The following PDE6A variants were observed in gnomAD, a reference collection of about 807,000 sequenced individuals.
PDE6A encodes the protein rod cGMP-specific 3',5'-cyclic phosphodiesterase subunit alpha.
PDE6A carries 84 observed loss-of-function variants against 106.3 expected under a neutral mutation model. The ratio of observed to expected loss-of-function variants is 0.79; its 90% CI spans 0.66 to 0.95. The LOEUF (loss-of-function observed/expected upper bound fraction) is 0.95, where lower values mean the gene tolerates loss of function less well. PDE6A is among the 40% of genes least tolerant of loss of function. The pLI, the probability that PDE6A is intolerant of heterozygous loss-of-function variation, is 0.00. For missense variants in PDE6A, 1,052 were observed against 1,084.9 expected (o/e 0.97, Z 0.43); for synonymous variants, 394 against 386.6 (o/e 1.02, Z -0.23).
intron 1 of PDE6A, among the ~76,000 whole-genome samples, chr5:149,935,684 G>C (rs1471398366): frequency 1.3e-5 from 2 of 152,218 alleles, no homozygotes; most frequent in East Asian, 3.8e-4. Flanking sequence ...TGAAAAGACA[G>C]AGCTTGAATT....
chr5:149,886,124 A>C, intron 14 of PDE6A, 141 bp downstream of exon 14: 2 of 705,028 alleles, frequency 2.8e-6, no homozygotes, highest in South Asian at 3.0e-5. Flanking sequence ...CTACAGGAGG[A>C]GACCCGGATC....
chr5:149,934,885 T>C (rs754269190), intron 1 of PDE6A, among the ~76,000 whole-genome samples, 167 bp from the exon 2 acceptor site: 7 of 151,990 alleles, frequency 4.6e-5, no homozygotes, highest in Non-Finnish European at 8.8e-5. Context: ...CAAAATCCAG[T>C]AGAAGAAGAA....
At chr5:149,944,124 G>A (rs966146254) in intron 1 of PDE6A, 76 bp downstream of exon 1, 2 of 1,114,634 alleles carry the variant, frequency 1.8e-6, no homozygotes, top group East Asian at 4.7e-5. Context: ...GGTGGCCAAT[G>A]CCCCTCACCC....
chr5:149,867,395 T>G (rs2113506555), intron 19 of PDE6A: 2 of 436,684 alleles, frequency 4.6e-6, no homozygotes, highest in East Asian at 4.8e-5. Flanking sequence ...AGTGTTGGAG[T>G]CCACTTGCCA....
chr5:149,899,579 G>T, intron 8 of PDE6A, 55 bp from the exon 9 acceptor site: 2 of 1,555,122 alleles, frequency 1.3e-6, no homozygotes, highest in South Asian at 1.1e-5. Flanking sequence ...CAGAGGCAAC[G>T]ATGATAGATT....
chr5:149,876,000 G>A (rs1760725186), intron 17 of PDE6A, among the ~76,000 whole-genome samples: 1 of 152,052 alleles, frequency 6.6e-6, no homozygotes, highest in African/African-American at 2.4e-5. Flanking sequence ...ATATATGTGT[G>A]TGTGTACACT....
chr5:149,905,399 G>T (rs374716197), intron 7 of PDE6A, among the ~76,000 whole-genome samples: 1 of 152,056 alleles, frequency 6.6e-6, no homozygotes. Context: ...CATCAGAATT[G>T]TCTCTTCATC....
intron 8 of PDE6A, 115 bp from the exon 9 acceptor site, chr5:149,899,639 G>A (rs1221393958): frequency 7.2e-6 from 7 of 975,224 alleles, no homozygotes; most frequent in Non-Finnish European, 9.9e-6. Context: ...GCAAGAGGAT[G>A]GAGTTCATTG....
intron 17 of PDE6A, among the ~76,000 whole-genome samples, chr5:149,880,396 A>G (rs1453706096): frequency 1.3e-5 from 2 of 152,142 alleles, no homozygotes; most frequent in East Asian, 3.8e-4. Flanking sequence ...ATGGAAGTCA[A>G]AAAAAGAAAA....
intron 7 of PDE6A, among the ~76,000 whole-genome samples, chr5:149,904,561 C>A (rs1286835201): frequency 6.6e-6 from 1 of 152,104 alleles, no homozygotes; most frequent in Non-Finnish European, 1.5e-5. Flanking sequence ...AGCGCCATGA[C>A]CTTGACCTTT....
chr5:149,860,648 TGGCGA>T lies in PDE6A; in HGVS notation c.*242_*246del. On this transcript the variant is annotated 3_prime_UTR_variant, in exon 22 of 22. Transcript: ENST00000255266. The stretch of plus-strand genomic sequence containing the variant: ...TAAAACATTATGAAATTTTTTTTTT[TGGCGA>T]TTTTTTTTTTTAAGTTCAACAGCTA... 2.5e-6 allele frequency: 1 copy of T among 400,356 alleles called. No individual in the cohort carries two copies. Among genetic ancestry groups the T allele is most frequent in the Non-Finnish European group, 4.4e-6 (1 of 224,854 alleles). The allele number at this position is 400,356 out of a possible 1,614,324, so 24.8% of individuals were successfully genotyped here.
At chr5:149,897,926 G>T (rs1196689858) in intron 10 of PDE6A, among the ~76,000 whole-genome samples, 1 of 152,154 alleles carries the variant, frequency 6.6e-6, no homozygotes, top group Admixed American at 6.5e-5. Flanking sequence ...ACAGGAGGGA[G>T]GCTCTGAGAA....
intron 8 of PDE6A, among the ~76,000 whole-genome samples, chr5:149,901,045 A>G (rs1261665943): frequency 6.6e-6 from 1 of 152,024 alleles, no homozygotes; most frequent in Non-Finnish European, 1.5e-5. Context: ...CCTCCCAAGT[A>G]GCTGGGATTA....
rs1581181451 is a variant in PDE6A at position 149,899,380 on chromosome 5, T to C, written c.1258A>G (p.Met420Val). 6.2e-7 allele frequency: 1 copy of C among 1,614,178 alleles called. No homozygotes were observed. Among genetic ancestry groups the C allele is most frequent in the Non-Finnish European group, 8.5e-7 (1 of 1,180,026 alleles). The change falls in exon 9 of 22, where the codon ATG becomes GTG. Residue 420 changes from methionine to valine, a missense_variant. By Grantham distance (21) the Met-to-Val change is conservative. Coordinates refer to ENST00000255266, the MANE Select transcript of PDE6A (RefSeq NM_000440.3). ...KPFDEMDETL[M>V]ESLTQFLGWS... Reference sequence around the variant, plus strand: ...GGCCTCCTAGCAAGCCATACCTCCATGAGCGTCTCATCCATTTCATCAAAG... The same window carrying C: ...GGCCTCCTAGCAAGCCATACCTCCACGAGCGTCTCATCCATTTCATCAAAG...
chr5:149,920,986 G>GAAAGAA (rs768431989), intron 5 of PDE6A, among the ~76,000 whole-genome samples: 1 of 134,128 alleles, frequency 7.5e-6, no homozygotes, highest in Admixed American at 7.2e-5. Context: ...AAGAAAGAAA[G>GAAAGAA]AAAGAAAGAA....
At chr5:149,874,019 AAAG>A (rs764590161) in intron 17 of PDE6A, among the ~76,000 whole-genome samples, 24 of 152,078 alleles carry the variant, frequency 1.6e-4, no homozygotes, top group Middle Eastern at 3.4e-3. Flanking sequence ...AAAAAAAAAA[AAAG>A]AAGAAGAAAA....
chr5:149,882,510 A>G (rs1760965874), intron 17 of PDE6A, among the ~76,000 whole-genome samples: 1 of 152,148 alleles, frequency 6.6e-6, no homozygotes, highest in South Asian at 2.1e-4. Flanking sequence ...AAAGGCCTCA[A>G]ATTTACACTT....
intron 6 of PDE6A, 139 bp from the exon 7 acceptor site, chr5:149,907,517 AAAAT>A: frequency 1.4e-6 from 1 of 698,186 alleles, no homozygotes; most frequent in Non-Finnish European, 2.6e-6. Flanking sequence ...GACCAAACCC[AAAAT>A]GTTGGCCAAC....
intron 1 of PDE6A, among the ~76,000 whole-genome samples, chr5:149,942,776 G>A (rs1754359145): frequency 1.3e-5 from 2 of 151,932 alleles, no homozygotes. Flanking sequence ...TTTAAGAAAA[G>A]GTGCTGTGCC....
Sources: gnomAD v4.1 joint callset for allele counts (sites outside exome capture counted in the v4.1 genomes callset) on GRCh38, gnomAD v4.1.1 for gene constraint, MANE v1.5 for transcripts, NCBI Gene and HGNC (gene_info 2026-07-23, HGNC 2026-07-21) for gene names.